Variants in IL5RA observed in about 807,000 individuals in gnomAD.
IL5RA encodes interleukin 5 receptor subunit alpha.
IL5RA carries 49 observed loss-of-function variants against 50.0 expected under a neutral mutation model. The ratio of observed to expected loss-of-function variants is 0.98; its 90% CI spans 0.78 to 1.24. The LOEUF (loss-of-function observed/expected upper bound fraction) is 1.24, where lower values mean the gene tolerates loss of function less well. Ranked by LOEUF, IL5RA falls within the 50% of genes most tolerant of loss-of-function variation. The pLI is 0.00. For missense variants in IL5RA, 600 were observed against 500.4 expected (o/e 1.20, Z -1.90); for synonymous variants, 202 against 174.0 (o/e 1.16, Z -1.26).
intron 9 of IL5RA, among the ~76,000 whole-genome samples, chr3:3,078,487 C>T (rs140090851): frequency 3.3e-5 from 5 of 152,306 alleles, no homozygotes; most frequent in Non-Finnish European, 7.4e-5. Flanking sequence ...CCCTGCTTTG[C>T]CATCTCTCTC....
intron 11 of IL5RA, among the ~76,000 whole-genome samples, chr3:3,070,566 G>A (rs1276452172): frequency 7.1e-6 from 1 of 140,050 alleles, no homozygotes; most frequent in Admixed American, 7.2e-5. Flanking sequence ...AAGTCATATG[G>A]ATACACATCT....
chr3:3,082,277 A>G (rs1030286732), intron 9 of IL5RA, among the ~76,000 whole-genome samples: 11 of 152,342 alleles, frequency 7.2e-5, no homozygotes, highest in African/African-American at 2.4e-4. Context: ...GATTAAAAAA[A>G]AAGTATTTCG....
rs761733791 is a variant in IL5RA at position 3,101,741 on chromosome 3, G to A, written c.318C>T (p.His106=). Residue 106 remains histidine, a synonymous_variant, in exon 5 of 12, where the codon CAC becomes CAT. Coordinates refer to ENST00000446632, the MANE Select transcript of IL5RA (RefSeq NM_175726.4). ...AAGCCCAGCTGCTGGCCAGTAGTGA[G>A]TGGTCGTTCTGCAGGATGGTCCGCA... is the stretch of plus-strand genomic sequence containing the variant. ...ASVRTILQND[H]SLLASSWASA... 6.2e-7 allele frequency: 1 copy of A among 1,614,186 alleles called. No homozygotes were observed. Among genetic ancestry groups the A allele is most frequent in the South Asian group, 1.1e-5 (1 of 91,084 alleles).
chr3:3,076,179 A>G (rs554250121), intron 10 of IL5RA, among the ~76,000 whole-genome samples: 1 of 152,272 alleles, frequency 6.6e-6, no homozygotes, highest in East Asian at 1.9e-4. Flanking sequence ...TGAAAAGCCT[A>G]TACTGGCAGC....
intron 5 of IL5RA, among the ~76,000 whole-genome samples, chr3:3,099,817 G>C (rs974847313): frequency 6.6e-6 from 1 of 151,766 alleles, no homozygotes; most frequent in Non-Finnish European, 1.5e-5. Context: ...TTACAGGCAC[G>C]TGCCACCACA....
chr3:3,092,433 G>T lies in IL5RA; in HGVS notation c.856-71C>A. On this transcript the variant is annotated intron_variant, in intron 8 of 11. Transcript: ENST00000446632. The surrounding 1 kb of genome is among the most constrained non-coding windows in gnomAD (Gnocchi z 4.2). ...TTAGTTCTGCCGATTATCAGAATGG[G>T]AGGTCCTATATAGGTCATGTGACTC... The T allele has an allele frequency of 7.0e-7, 1 of 1,433,738 alleles. No homozygotes were observed. Among genetic ancestry groups the T allele is most frequent in the Non-Finnish European group, 9.7e-7 (1 of 1,034,716 alleles). 88.8% of individuals were successfully genotyped at this position (1,433,738 alleles called of 1,614,324 possible).
intron 10 of IL5RA, among the ~76,000 whole-genome samples, chr3:3,075,692 C>G (rs1422155303): frequency 6.6e-6 from 1 of 151,842 alleles, no homozygotes; most frequent in Admixed American, 6.6e-5. Context: ...CCTCCAACTC[C>G]CAGGTTCAAG....
rs71058670 is a variant in IL5RA at position 3,070,575 on chromosome 3, C to CTTTTTTT, written c.1177-271_1177-265dup. ...TACTTGAAGTCATATGGATACACAT[C>CTTTTTTT]TTTTTTTTTTTTTTTTTTTTTTTTT... On this transcript the variant is annotated intron_variant, in intron 11 of 11. Coordinates refer to ENST00000446632, the MANE Select transcript of IL5RA (RefSeq NM_175726.4). 3.3e-3 allele frequency among the ~76,000 whole-genome samples: 283 copies of CTTTTTTT among 84,912 alleles called. 33 individuals carry two copies. Among genetic ancestry groups the CTTTTTTT allele is most frequent in the African/African-American group, 7.8e-3 (144 of 18,474 alleles). The allele number at this position is 84,912 out of a possible 152,430, so 55.7% of individuals were successfully genotyped here. A position where few individuals can be genotyped will look rare whatever the true frequency, so the allele number is the denominator to read the frequency against.
chr3:3,072,108 C>A (rs533445111), intron 11 of IL5RA, among the ~76,000 whole-genome samples: 9 of 152,360 alleles, frequency 5.9e-5, no homozygotes, highest in East Asian at 3.9e-4. Flanking sequence ...CCTTGTAGCA[C>A]AGCCTCTGAG....
At chr3:3,085,828 C>T (rs1702834714) in intron 9 of IL5RA, among the ~76,000 whole-genome samples, 1 of 152,128 alleles carries the variant, frequency 6.6e-6, no homozygotes, top group South Asian at 2.1e-4. Flanking sequence ...TCCACCAGCT[C>T]AAACTCCGAC....
intron 9 of IL5RA, among the ~76,000 whole-genome samples, chr3:3,089,780 G>C (rs577180211): frequency 6.6e-4 from 101 of 152,006 alleles, no homozygotes; most frequent in African/African-American, 2.4e-3. Flanking sequence ...GCACCACCAC[G>C]CCCAGCTAAT....
At chr3:3,098,395 A>C (rs1703466231) in intron 5 of IL5RA, 105 bp from the exon 6 acceptor site, 1 of 961,862 alleles carries the variant, frequency 1.0e-6, no homozygotes. Context: ...CATCACCAAA[A>C]AATAATCATC....
intron 5 of IL5RA, among the ~76,000 whole-genome samples, chr3:3,101,062 C>G (rs1703626826): frequency 6.6e-6 from 1 of 150,712 alleles, no homozygotes; most frequent in African/African-American, 2.4e-5. Flanking sequence ...GCCTATAATC[C>G]CAGCTACTCG....
At chr3:3,074,664 C>T in intron 11 of IL5RA, 118 bp downstream of exon 11, 1 of 606,976 alleles carries the variant, frequency 1.6e-6, no homozygotes. Flanking sequence ...CAGAAATGCT[C>T]CTGGCCTTCT....
At chr3:3,096,222 G>C (rs921860805) in intron 7 of IL5RA, among the ~76,000 whole-genome samples, 2 of 151,536 alleles carry the variant, frequency 1.3e-5, no homozygotes, top group African/African-American at 2.4e-5. Context: ...AGCTTGCAGT[G>C]AGCCGAGATC....
intron 9 of IL5RA, among the ~76,000 whole-genome samples, chr3:3,084,809 G>C (rs1266583244): frequency 6.6e-6 from 1 of 152,230 alleles, no homozygotes; most frequent in East Asian, 1.9e-4. Flanking sequence ...TCTCACCTGT[G>C]TGATTAGGAA....
rs1338407067 is a variant in IL5RA, at chr3:3,067,947, T to G, written c.*2278A>C. 1 of 152,198 alleles carries G rather than the reference T, an allele frequency of 6.6e-6. No homozygotes were observed. Among genetic ancestry groups the G allele is most frequent in the Non-Finnish European group, 1.5e-5 (1 of 68,048 alleles). The allele number at this position is 152,198 out of a possible 1,614,324, so 9.4% of individuals were successfully genotyped here. A position where few individuals can be genotyped will look rare whatever the true frequency, so the allele number is the denominator to read the frequency against. Reference sequence around the variant, plus strand: ...CAGAGGCAGTTTCCACAATGCCAACTGTCTGGGTTGTGGTTTGAAAGAGAT... The same window carrying G: ...CAGAGGCAGTTTCCACAATGCCAACGGTCTGGGTTGTGGTTTGAAAGAGAT... On this transcript the variant is annotated 3_prime_UTR_variant, in exon 12 of 12. Transcript: ENST00000446632.
At chr3:3,102,505 C>T (rs779222884) in intron 4 of IL5RA, among the ~76,000 whole-genome samples, 170 bp downstream of exon 4, 29 of 152,234 alleles carry the variant, frequency 1.9e-4, no homozygotes, top group Non-Finnish European at 4.4e-5. Flanking sequence ...GAACAATACA[C>T]CCGGCGCTAG....
chr3:3,083,184 T>C (rs1702726691), intron 9 of IL5RA, among the ~76,000 whole-genome samples: 1 of 152,200 alleles, frequency 6.6e-6, no homozygotes, highest in Non-Finnish European at 1.5e-5. Context: ...AGGCTTCCAG[T>C]GCAGGCAAGT....
Sources: allele counts gnomAD v4.1 joint callset (sites outside exome capture counted in the v4.1 genomes callset), GRCh38; gene constraint gnomAD v4.1.1; non-coding constraint Gnocchi (gnomAD v3.1); transcripts MANE v1.5; gene names NCBI Gene and HGNC (gene_info 2026-07-23, HGNC 2026-07-21).